The following MAP7 variants were observed in gnomAD, a reference collection of about 807,000 sequenced individuals.
MAP7 encodes the protein microtubule associated protein 7.
In MAP7, 52 loss-of-function variants were observed where a neutral mutation model predicts 94.8. That is an observed-to-expected ratio of 0.55 (90% confidence interval 0.44 to 0.69). The LOEUF is 0.69. Among genes scored for constraint, MAP7 ranks in the 30% least tolerant of loss-of-function variants. The pLI is 0.00. For synonymous variants in MAP7, 350 were observed against 357.0 expected, an observed-to-expected ratio of 0.98 and a Z score of 0.22; for missense variants, 940 against 964.6, an observed-to-expected ratio of 0.97 and a Z score of 0.34.
chr6:136,435,218 TAGA>T (rs1796067092), intron 1 of MAP7, among the ~76,000 whole-genome samples: 1 of 152,148 alleles, frequency 6.6e-6, no homozygotes, highest in Non-Finnish European at 1.5e-5. Flanking sequence ...TACCTTCTCC[TAGA>T]AGAAGGAAAA....
intron 14 of MAP7, 44 bp downstream of exon 14, chr6:136,359,937 G>C (rs764321110): frequency 6.2e-7 from 1 of 1,609,532 alleles, no homozygotes; most frequent in Admixed American, 1.7e-5. Flanking sequence ...AAATGAAAAA[G>C]ATAAAAGCAT....
rs112419016 is a variant in MAP7 at position 136,436,306 on chromosome 6, C to T, written c.68-14507G>A. ...TGGCAGGCTAAACTTGACTTTGTAA[C>T]AAATATTTGTCAGCAAAAATAAGGT... On this transcript the variant is annotated intron_variant, in intron 1 of 17. Transcript: ENST00000354570. Among the ~76,000 whole-genome samples, 610 of 151,982 alleles carry T rather than the reference C, an allele frequency of 4.0e-3. 11 individuals carry two copies. The highest frequency in any genetic ancestry group is 2.9e-3 in the Non-Finnish European group (199 of 67,982).
intron 16 of MAP7, 95 bp from the exon 17 acceptor site, chr6:136,346,174 T>A (rs981801441): frequency 7.2e-6 from 5 of 692,540 alleles, no homozygotes; most frequent in Non-Finnish European, 1.2e-5. Context: ...ATGAATAATT[T>A]TATAAATCTA....
At chr6:136,435,196 A>T (rs1177009205) in intron 1 of MAP7, among the ~76,000 whole-genome samples, 1 of 152,246 alleles carries the variant, frequency 6.6e-6, no homozygotes, top group Non-Finnish European at 1.5e-5. Flanking sequence ...TTGAATGGAT[A>T]AACTACATGG....
At chr6:136,437,793 T>A (rs895037197) in intron 1 of MAP7, among the ~76,000 whole-genome samples, 3 of 152,204 alleles carry the variant, frequency 2.0e-5, no homozygotes, top group African/African-American at 7.2e-5. Flanking sequence ...AAACTTGACT[T>A]TACCAAAAAG....
chr6:136,537,753 G>T (rs541780444), intron 1 of MAP7, among the ~76,000 whole-genome samples: 1 of 152,002 alleles, frequency 6.6e-6, no homozygotes, highest in East Asian at 1.9e-4. Context: ...ACCCATCTGA[G>T]GAAATGACAT....
chr6:136,543,934 T>G (rs898107175), intron 1 of MAP7, among the ~76,000 whole-genome samples: 2 of 152,214 alleles, frequency 1.3e-5, no homozygotes, highest in Non-Finnish European at 2.9e-5. Context: ...ACAAATTATT[T>G]TTTTCGAGAA....
intron 3 of MAP7, among the ~76,000 whole-genome samples, chr6:136,394,714 A>G (rs1582780807): frequency 6.8e-6 from 1 of 147,634 alleles, no homozygotes; most frequent in Non-Finnish European, 1.5e-5. Flanking sequence ...AACCTCTTTA[A>G]CCTCCCCCCC....
At chr6:136,470,844 G>GAAA (rs3040713) in intron 1 of MAP7, among the ~76,000 whole-genome samples, 4 of 149,156 alleles carry the variant, frequency 2.7e-5, no homozygotes, top group Admixed American at 2.7e-4. Flanking sequence ...CACTTCCTCT[G>GAAA]AAAAAAAAAA....
intron 1 of MAP7, among the ~76,000 whole-genome samples, chr6:136,515,436 G>C (rs552598016): frequency 2.0e-5 from 3 of 152,192 alleles, no homozygotes; most frequent in Non-Finnish European, 4.4e-5. Context: ...TGGCGCAAGA[G>C]GCCTAGCTCT....
intron 6 of MAP7, among the ~76,000 whole-genome samples, chr6:136,379,403 CAT>C (rs1478363647): frequency 2.6e-5 from 4 of 152,064 alleles, no homozygotes; most frequent in African/African-American, 9.7e-5. Flanking sequence ...TATTATCTGA[CAT>C]TAAGATTAAT....
intron 2 of MAP7, among the ~76,000 whole-genome samples, chr6:136,415,298 A>G (rs1197006521): frequency 6.6e-6 from 1 of 152,232 alleles, no homozygotes; most frequent in African/African-American, 2.4e-5. Flanking sequence ...ACTTTGTAAA[A>G]GCCATATGAG....
intron 16 of MAP7, among the ~76,000 whole-genome samples, chr6:136,351,305 C>T (rs1390271677): frequency 6.6e-6 from 1 of 151,694 alleles, no homozygotes; most frequent in African/African-American, 2.4e-5. Flanking sequence ...AGATGGGATA[C>T]CAGGAACAAA....
chr6:136,395,233 A>AT (rs905266368), intron 3 of MAP7, among the ~76,000 whole-genome samples: 45 of 151,030 alleles, frequency 3.0e-4, no homozygotes, highest in African/African-American at 1.1e-3. Flanking sequence ...AGTACCTGCT[A>AT]TTTTTTGTCT....
chr6:136,464,590 G>A (rs1010832097), intron 1 of MAP7, among the ~76,000 whole-genome samples: 1 of 152,228 alleles, frequency 6.6e-6, no homozygotes, highest in Non-Finnish European at 1.5e-5. Flanking sequence ...ATGCACTGGG[G>A]ATCTTGGAAC....
intron 15 of MAP7, 33 bp downstream of exon 15, chr6:136,359,787 T>C: frequency 6.3e-7 from 1 of 1,588,478 alleles, no homozygotes; most frequent in Non-Finnish European, 8.6e-7. Context: ...ACATTTTATA[T>C]ATAAATTGGT....
chr6:136,402,672 C>T (rs537773221), intron 3 of MAP7, among the ~76,000 whole-genome samples: 14 of 151,776 alleles, frequency 9.2e-5, no homozygotes, highest in South Asian at 2.1e-4. Context: ...TTTGGGAGGC[C>T]GAGGCCGGCG....
chr6:136,490,478 T>C (rs1816230810), intron 1 of MAP7, among the ~76,000 whole-genome samples: 1 of 143,644 alleles, frequency 7.0e-6, no homozygotes, highest in African/African-American at 2.8e-5. Flanking sequence ...CTTAATGCCC[T>C]TTTCTCAATA....
intron 1 of MAP7, among the ~76,000 whole-genome samples, chr6:136,535,482 A>C (rs1221084742): frequency 6.6e-6 from 1 of 152,212 alleles, no homozygotes; most frequent in Non-Finnish European, 1.5e-5. Context: ...AAAAAAAATT[A>C]CATACAATTC....
Sources: allele counts gnomAD v4.1 joint callset (sites outside exome capture counted in the v4.1 genomes callset), GRCh38; gene constraint gnomAD v4.1.1; transcripts MANE v1.5; gene names NCBI Gene and HGNC (gene_info 2026-07-23, HGNC 2026-07-21).